Variants in TENM2 observed in about 807,000 individuals in gnomAD.
TENM2 encodes teneurin transmembrane protein 2.
Under a neutral mutation model 245.2 loss-of-function variants are expected in TENM2, and 52 were observed. The observed-to-expected ratio is 0.21, with a 90% CI of 0.17 to 0.27. The LOEUF (loss-of-function observed/expected upper bound fraction) is 0.27, where lower values mean the gene tolerates loss of function less well. TENM2 is among the 10% of genes least tolerant of loss of function. TENM2 has a pLI of 1.00. For synonymous variants in TENM2, 1,363 were observed against 1,438.9 expected (o/e 0.95, Z 1.19); for missense variants, 3,046 against 3,666.8 (o/e 0.83, Z 4.37).
At chr5:167,214,369 C>G in the TENM2 span, among the ~76,000 whole-genome samples, 1 of 152,144 alleles carries the variant, frequency 6.6e-6, no homozygotes, top group Non-Finnish European at 1.5e-5. Context: ...GGCAATAGAT[C>G]TCTATAGAAA....
At chr5:167,899,267 C>T (rs547546368) in intron 3 of TENM2, among the ~76,000 whole-genome samples, 1 of 151,958 alleles carries the variant, frequency 6.6e-6, no homozygotes, top group African/African-American at 2.4e-5. Context: ...ACGTTAATGT[C>T]GCATTATCAA....
intron 2 of TENM2, among the ~76,000 whole-genome samples, chr5:167,542,889 T>C (rs1381039595): frequency 1.3e-5 from 2 of 152,166 alleles, no homozygotes; most frequent in South Asian, 4.1e-4. Flanking sequence ...ACTTAGGAGC[T>C]TGTGAGTCAA....
At chr5:167,411,371 T>C (rs1436661831) in intron 2 of TENM2, among the ~76,000 whole-genome samples, 1 of 152,160 alleles carries the variant, frequency 6.6e-6, no homozygotes, top group East Asian at 1.9e-4. Flanking sequence ...TTTGAGAAAG[T>C]CTTTCTTTCC....
At chr5:167,205,716 TAGCTTAGC>T in the TENM2 span, among the ~76,000 whole-genome samples, 1 of 152,166 alleles carries the variant, frequency 6.6e-6, no homozygotes, top group Non-Finnish European at 1.5e-5. Flanking sequence ...GGGCACAGTG[TAGCTTAGC>T]AGGGTTCTTT....
chr5:167,630,982 A>T (rs1018148373), intron 2 of TENM2, among the ~76,000 whole-genome samples: 1 of 152,128 alleles, frequency 6.6e-6, no homozygotes, highest in South Asian at 2.1e-4. Context: ...TTGTTCCTCT[A>T]TTGTAGGATA....
chr5:167,776,600 A>G (rs1385953718), intron 2 of TENM2, among the ~76,000 whole-genome samples: 2 of 85,748 alleles, frequency 2.3e-5, no homozygotes, highest in African/African-American at 5.9e-5. Context: ...TCTGAAAAAA[A>G]AAAAAAAAAA....
chr5:167,632,490 C>A (rs1242261283), intron 2 of TENM2, among the ~76,000 whole-genome samples: 1 of 152,210 alleles, frequency 6.6e-6, no homozygotes, highest in African/African-American at 2.4e-5. Flanking sequence ...ATTTCTAAGG[C>A]AGCCATTGCC....
the TENM2 span, among the ~76,000 whole-genome samples, chr5:167,010,013 C>T: frequency 1.3e-5 from 2 of 152,150 alleles, no homozygotes; most frequent in African/African-American, 4.8e-5. Flanking sequence ...CTTAGTTTTT[C>T]AGTTCAGACA....
At chr5:167,557,302 GC>G (rs1773319433) in intron 2 of TENM2, among the ~76,000 whole-genome samples, 1 of 152,148 alleles carries the variant, frequency 6.6e-6, no homozygotes, top group Non-Finnish European at 1.5e-5. Context: ...TCACCATGAT[GC>G]CTATTTTGTG....
At chr5:168,256,506 G>A (rs11740056) in intron 27 of TENM2, among the ~76,000 whole-genome samples, 68,274 of 150,366 alleles carry the variant, frequency 0.45, 17,201 homozygotes, top group South Asian at 0.59. Flanking sequence ...GCTCACTGCA[G>A]CCTCCACCTC....
chr5:166,983,469 G>A, the TENM2 span, among the ~76,000 whole-genome samples: 128 of 152,214 alleles, frequency 8.4e-4, no homozygotes, highest in African/African-American at 3.0e-3. Context: ...TGTGCTTTTC[G>A]AATGTACTAT....
At chr5:167,984,644 G>A (rs1783096246) in intron 4 of TENM2, among the ~76,000 whole-genome samples, 1 of 152,090 alleles carries the variant, frequency 6.6e-6, no homozygotes, top group East Asian at 1.9e-4. Flanking sequence ...AACAAAGCAA[G>A]ACTTTGTCTT....
At chr5:167,752,525 A>G (rs955310772) in intron 2 of TENM2, among the ~76,000 whole-genome samples, 23 of 152,140 alleles carry the variant, frequency 1.5e-4, no homozygotes, top group Middle Eastern at 3.2e-3. Flanking sequence ...AACAAAGTGC[A>G]CTAGTTAGCT....
At chr5:167,634,951 T>C (rs901689010) in intron 2 of TENM2, among the ~76,000 whole-genome samples, 25 of 152,228 alleles carry the variant, frequency 1.6e-4, no homozygotes, top group African/African-American at 6.0e-4. Flanking sequence ...GATGGGTCCA[T>C]GGTTAAGTTT....
At chr5:168,228,949 CATT>C (rs902268809) in intron 25 of TENM2, among the ~76,000 whole-genome samples, 14 of 146,234 alleles carry the variant, frequency 9.6e-5, no homozygotes, top group African/African-American at 3.2e-4. Flanking sequence ...TAATTATATA[CATT>C]ATATGTATAC....
intron 5 of TENM2, among the ~76,000 whole-genome samples, chr5:168,037,536 G>GTA (rs1332524841): frequency 2.8e-5 from 1 of 36,156 alleles, no homozygotes; most frequent in Non-Finnish European, 5.9e-5. Flanking sequence ...GACCATAATG[G>GTA]TCTTTTTTTT....
chr5:167,200,095 A>G, the TENM2 span, among the ~76,000 whole-genome samples: 4 of 152,188 alleles, frequency 2.6e-5, no homozygotes, highest in East Asian at 5.8e-4. Context: ...GCAAAAGACA[A>G]TGATTGAATG....
At chr5:167,577,067 G>T (rs1774744497) in intron 2 of TENM2, among the ~76,000 whole-genome samples, 1 of 152,146 alleles carries the variant, frequency 6.6e-6, no homozygotes, top group Non-Finnish European at 1.5e-5. Context: ...CGCTGGAACT[G>T]CTCTGCTTGT....
At chr5:167,433,886 T>C (rs933674665) in intron 2 of TENM2, among the ~76,000 whole-genome samples, 6 of 152,184 alleles carry the variant, frequency 3.9e-5, no homozygotes, top group Admixed American at 2.0e-4. Context: ...GTTCAGATCT[T>C]TGAACCATCC....
Sources: allele counts gnomAD v4.1 joint callset (sites outside exome capture counted in the v4.1 genomes callset), GRCh38; gene constraint gnomAD v4.1.1; transcripts MANE v1.5; gene names NCBI Gene and HGNC (gene_info 2026-07-23, HGNC 2026-07-21).